Variants in PRKCQ observed in about 807,000 individuals in gnomAD.
The protein encoded by PRKCQ is protein kinase C theta type.
A neutral mutation model predicts 91.2 loss-of-function variants in PRKCQ; 41 were observed. That is an observed-to-expected ratio of 0.45 (90% CI 0.35 to 0.58). PRKCQ has a LOEUF of 0.58. Among genes scored for constraint, PRKCQ ranks in the 20% least tolerant of loss-of-function variants. The pLI, the probability that PRKCQ is intolerant of heterozygous loss-of-function variation, is 0.00. For missense variants in PRKCQ, 673 were observed against 896.5 expected, an observed-to-expected ratio of 0.75 and a Z score of 3.18; for synonymous variants, 307 against 316.9, an observed-to-expected ratio of 0.97 and a Z score of 0.33.
Position 6,511,292 on chromosome 10 carries a change from G to C in PRKCQ, c.119-98C>G, listed in dbSNP as rs1054070168. Reference sequence around the variant, plus strand: ...TAGCACCTGCTCCCTCTGTTCTCTGGGATATAGAATTCTGTTGGGAAGACA... The same window carrying C: ...TAGCACCTGCTCCCTCTGTTCTCTGCGATATAGAATTCTGTTGGGAAGACA... On this transcript the variant is annotated intron_variant, in intron 2 of 17. Coordinates refer to ENST00000263125, the MANE Select transcript of PRKCQ (RefSeq NM_006257.5). 9.5e-6 allele frequency: 11 copies of C among 1,154,028 alleles called. No homozygotes were observed. The South Asian group carries it at 1.2e-4, about 13-fold the overall frequency. The allele number at this position is 1,154,028 out of a possible 1,614,324, so 71.5% of individuals were successfully genotyped here.
intron 1 of PRKCQ, among the ~76,000 whole-genome samples, chr10:6,578,409 CATTTTT>C (rs1442725721): frequency 5.9e-5 from 9 of 152,202 alleles, no homozygotes; most frequent in African/African-American, 2.2e-4. Context: ...TGGATATTGA[CATTTTT>C]AAAGTGTAGA....
At position 6,505,096 on chromosome 10, in the gene PRKCQ, T is replaced by C. The variant is rs1838119129; in HGVS notation, c.379+2340A>G. On this transcript the variant is annotated intron_variant, in intron 4 of 17. Transcript: ENST00000263125. ...TTTTAGTAGAGACGGGGTTCCACCA[T>C]GTTAGCCAGGATGGTCTCGGTCTCC... is the stretch of plus-strand genomic sequence containing the variant. Among the ~76,000 whole-genome samples the C allele has an allele frequency of 1.3e-5, 2 of 152,142 alleles. 1 individual carries two copies. The highest frequency in any genetic ancestry group is 1.3e-4 in the Admixed American group (2 of 15,282).
At chr10:6,555,553 C>T (rs1469925773) in intron 1 of PRKCQ, among the ~76,000 whole-genome samples, 2 of 152,024 alleles carry the variant, frequency 1.3e-5, no homozygotes, top group South Asian at 2.1e-4. Flanking sequence ...GTTGTGTATG[C>T]GTATGATAAA....
the PRKCQ span, among the ~76,000 whole-genome samples, chr10:6,397,673 C>G: frequency 6.6e-6 from 1 of 152,038 alleles, no homozygotes; most frequent in African/African-American, 2.4e-5. Flanking sequence ...GCCTGTAATC[C>G]CAGCACTTTG....
intron 7 of PRKCQ, among the ~76,000 whole-genome samples, chr10:6,495,154 G>A (rs903419130): frequency 3.3e-5 from 5 of 152,142 alleles, no homozygotes; most frequent in African/African-American, 9.7e-5. Context: ...CCGCTTGGAG[G>A]ATTCCTTCCA....
chr10:6,404,549 ACTTCCATCCTTT>A, the PRKCQ span, among the ~76,000 whole-genome samples: 1 of 68,780 alleles, frequency 1.5e-5, no homozygotes. Flanking sequence ...TTCCTTCCTT[ACTTCCATCCTTT>A]CTTCCTTCTT....
chr10:6,441,283 C>A (rs1405803348), intron 16 of PRKCQ, among the ~76,000 whole-genome samples: 1 of 152,080 alleles, frequency 6.6e-6, no homozygotes, highest in East Asian at 1.9e-4. Flanking sequence ...GCTGGGATCA[C>A]AGGCGTGTGC....
At chr10:6,394,418 G>C in the PRKCQ span, among the ~76,000 whole-genome samples, 1 of 152,256 alleles carries the variant, frequency 6.6e-6, no homozygotes, top group African/African-American at 2.4e-5. Context: ...TCCTGGAGTA[G>C]AAGGGGGAAG....
At chr10:6,513,139 GT>G (rs1838567630) in intron 2 of PRKCQ, among the ~76,000 whole-genome samples, 1 of 152,132 alleles carries the variant, frequency 6.6e-6, no homozygotes, top group African/African-American at 2.4e-5. Context: ...GAGTGTTACC[GT>G]TTTAACGACT....
chr10:6,521,843 C>G (rs1839015720), intron 1 of PRKCQ, among the ~76,000 whole-genome samples: 1 of 152,136 alleles, frequency 6.6e-6, no homozygotes, highest in South Asian at 2.1e-4. Context: ...ATCCAATCTT[C>G]CAAGCTTTTG....
chr10:6,520,110 C>A (rs903540167), intron 1 of PRKCQ, among the ~76,000 whole-genome samples: 10 of 152,144 alleles, frequency 6.6e-5, no homozygotes, highest in Non-Finnish European at 1.5e-4. Flanking sequence ...GGGGCTAGGT[C>A]CCCCCATAGA....
At chr10:6,579,962 G>GC (rs1841404477) in intron 1 of PRKCQ, among the ~76,000 whole-genome samples, 1 of 151,904 alleles carries the variant, frequency 6.6e-6, no homozygotes, top group Non-Finnish European at 1.5e-5. Flanking sequence ...CAGGCCGGCG[G>GC]CCCCCACCCG....
intron 12 of PRKCQ, among the ~76,000 whole-genome samples, chr10:6,475,916 C>A (rs1836243195): frequency 6.6e-6 from 1 of 152,184 alleles, no homozygotes; most frequent in Non-Finnish European, 1.5e-5. Context: ...GAGTCTTGAG[C>A]CAGTCAGATT....
rs537523821 is a variant in PRKCQ, at chr10:6,443,659, G to C, written c.1648-1578C>G. Among the ~76,000 whole-genome samples, 33 of 152,330 alleles carry C rather than the reference G, an allele frequency of 2.2e-4. 1 individual carries two copies. The South Asian group carries it at 4.4e-3, about 20-fold the overall frequency. On this transcript the variant is annotated intron_variant, in intron 15 of 17. Coordinates refer to ENST00000263125, the MANE Select transcript of PRKCQ (RefSeq NM_006257.5). ...CGCCAGGGTCTGGGCAGAGGGTAGG[G>C]AGGAGGGATAGGGAAGGCGTTGAAG...
In PRKCQ at chr10:6,576,232, G is replaced by T. The variant is rs1564402698; in HGVS notation, c.-10+3979C>A. ...TACATACCCCAAAGAATTGAAAGCA[G>T]GACCTCAAACAGATATCTGCGTGTT... is the stretch of plus-strand genomic sequence containing the variant. On this transcript the variant is annotated intron_variant, in intron 1 of 17. Coordinates refer to ENST00000263125, the MANE Select transcript of PRKCQ (RefSeq NM_006257.5). This position sits in a 1 kb window ranked among gnomAD's most constrained non-coding sequence, Gnocchi z 4.2. 6.6e-6 allele frequency among the ~76,000 whole-genome samples: 1 copy of T among 152,118 alleles called. No homozygotes were observed. The highest frequency in any genetic ancestry group is 2.4e-5 in the African/African-American group (1 of 41,396).
chr10:6,575,917 A>G (rs1054463881), intron 1 of PRKCQ, among the ~76,000 whole-genome samples: 14 of 151,302 alleles, frequency 9.3e-5, no homozygotes, highest in Non-Finnish European at 1.6e-4. Context: ...GCGCGTGCCT[A>G]TAGTCCCAGC....
At position 6,564,835 on chromosome 10, in the gene PRKCQ, C is replaced by T. The variant is rs57484765; in HGVS notation, c.-10+15376G>A. Among the ~76,000 whole-genome samples, 976 of 152,304 alleles carry T rather than the reference C, an allele frequency of 6.4e-3. 12 individuals carry two copies. The highest frequency in any genetic ancestry group is 0.023 in the African/African-American group (938 of 41,570). Reference sequence around the variant, plus strand: ...AATGTCAAATAAAGAATAAACTCCCCGCTGACAATTTCAGGACAATAGCAT... The same window carrying T: ...AATGTCAAATAAAGAATAAACTCCCTGCTGACAATTTCAGGACAATAGCAT... On this transcript the variant is annotated intron_variant, in intron 1 of 17. Coordinates refer to ENST00000263125, the MANE Select transcript of PRKCQ (RefSeq NM_006257.5).
rs1457073981 is a variant in PRKCQ at position 6,467,504 on chromosome 10, A to G, written c.1354-3100T>C. On this transcript the variant is annotated intron_variant, in intron 12 of 17. Coordinates refer to ENST00000263125, the MANE Select transcript of PRKCQ (RefSeq NM_006257.5). Reference sequence around the variant, plus strand: ...TTGTAAATGTCACTTACTAGTCTAGACCTCACGTCTTTATGGCGGGTAATA... The same window carrying G: ...TTGTAAATGTCACTTACTAGTCTAGGCCTCACGTCTTTATGGCGGGTAATA... 7.9e-5 allele frequency among the ~76,000 whole-genome samples: 12 copies of G among 151,752 alleles called. No individual in the cohort carries two copies. The East Asian group carries it at 2.1e-3, about 27-fold the overall frequency.
intron 1 of PRKCQ, among the ~76,000 whole-genome samples, chr10:6,539,760 G>A (rs946890096): frequency 1.3e-5 from 2 of 152,142 alleles, no homozygotes; most frequent in Non-Finnish European, 2.9e-5. Context: ...CTGCTTTAGA[G>A]AACTCATCAG....
Sources: gnomAD v4.1 joint callset for allele counts (sites outside exome capture counted in the v4.1 genomes callset) on GRCh38, gnomAD v4.1.1 for gene constraint, Gnocchi (gnomAD v3.1) non-coding constraint, MANE v1.5 for transcripts, NCBI Gene and HGNC (gene_info 2026-07-23, HGNC 2026-07-21) for gene names.